The following ECE1 variants were observed in gnomAD, a reference collection of about 807,000 sequenced individuals.
ECE1 encodes endothelin-converting enzyme 1.
In ECE1, 35 loss-of-function variants were observed where a neutral mutation model predicts 98.6. The observed-to-expected ratio is 0.35, with a 90% CI of 0.27 to 0.47. The LOEUF (loss-of-function observed/expected upper bound fraction) is 0.47. Among genes scored for constraint, ECE1 ranks in the 20% least tolerant of loss-of-function variants. ECE1 has a pLI of 1.00. For missense variants in ECE1, 814 were observed against 1,025.3 expected, an observed-to-expected ratio of 0.79 and a Z score of 2.81; for synonymous variants, 394 against 407.1, an observed-to-expected ratio of 0.97 and a Z score of 0.39.
chr1:21,255,265 C>A (rs1364862080), intron 8 of ECE1, among the ~76,000 whole-genome samples: 2 of 152,230 alleles, frequency 1.3e-5, no homozygotes. Context: ...TGGGTGATGT[C>A]AAGAAACGGC....
At chr1:21,280,719 G>A (rs1008953989) in intron 2 of ECE1, among the ~76,000 whole-genome samples, 1 of 152,198 alleles carries the variant, frequency 6.6e-6, no homozygotes, top group African/African-American at 2.4e-5. Context: ...TCAGAGCCCT[G>A]AGGGAGTCCC....
intron 7 of ECE1, 136 bp from the exon 8 acceptor site, chr1:21,256,274 GGCCAGGT>G (rs1174064531): frequency 1.0e-6 from 1 of 1,004,754 alleles, no homozygotes; most frequent in African/African-American, 1.6e-5. Flanking sequence ...ACACCCGTGG[GGCCAGGT>G]GTGGTGGCTC....
intron 1 of ECE1, among the ~76,000 whole-genome samples, chr1:21,302,909 C>T (rs977280747): frequency 4.6e-5 from 7 of 152,212 alleles, no homozygotes; most frequent in African/African-American, 1.4e-4. Flanking sequence ...AGCAGCCTGC[C>T]GTGGCCCTGG....
rs1467958256 is a variant in ECE1, at chr1:21,307,895, AG to A, written c.4-17740del. Among the ~76,000 whole-genome samples, 2 of 151,938 alleles carry A rather than the reference AG, an allele frequency of 1.3e-5. No homozygotes were observed. The highest frequency in any genetic ancestry group is 4.8e-5 in the African/African-American group (2 of 41,410). On this transcript the variant is annotated intron_variant, in intron 1 of 18. Coordinates refer to the ECE1 transcript ENST00000415912. The surrounding 1 kb of genome is among the most constrained non-coding windows in gnomAD (Gnocchi z 4.2). ...CCCGCCTTGAGCATCCTTGTCAGGC[AG>A]AGATCTGGGCAGGACAGAAGAGAGG...
chr1:21,287,777 C>T (rs1042392016), intron 2 of ECE1, among the ~76,000 whole-genome samples: 5 of 151,950 alleles, frequency 3.3e-5, no homozygotes, highest in African/African-American at 7.3e-5. Context: ...ATGAAAAATG[C>T]GGGATATAAC....
At chr1:21,287,307 C>T (rs1350313958) in intron 2 of ECE1, among the ~76,000 whole-genome samples, 1 of 152,214 alleles carries the variant, frequency 6.6e-6, no homozygotes, top group African/African-American at 2.4e-5. Context: ...AGGCAGATCA[C>T]CTGAGGGCAG....
intron 1 of ECE1, among the ~76,000 whole-genome samples, chr1:21,331,540 G>A (rs1639200977): frequency 6.6e-6 from 1 of 151,954 alleles, no homozygotes; most frequent in Non-Finnish European, 1.5e-5. Flanking sequence ...CATGATGCAC[G>A]ATGGTGCCAT....
chr1:21,342,237 G>T (rs77025042), intron 1 of ECE1, among the ~76,000 whole-genome samples: 1 of 152,092 alleles, frequency 6.6e-6, no homozygotes, highest in Non-Finnish European at 1.5e-5. Flanking sequence ...GCTGCAGATG[G>T]GGGATGATGG....
intron 1 of ECE1, among the ~76,000 whole-genome samples, chr1:21,334,369 G>A (rs1257199200): frequency 6.6e-6 from 1 of 152,228 alleles, no homozygotes; most frequent in East Asian, 1.9e-4. Context: ...ACTCAGGGGC[G>A]AAGGAAGATG....
In ECE1 at chr1:21,227,973, G is replaced by A. The variant is rs922597895; in HGVS notation, c.1739C>T (p.Ala580Val). The A allele has an allele frequency of 1.3e-6, 2 of 1,560,620 alleles. No homozygotes were observed. Among genetic ancestry groups the A allele is most frequent in the East Asian group, 2.4e-5 (1 of 41,902 alleles). Residue 580 changes from alanine (A) to valine (V), a missense_variant, in exon 15 of 19, where the codon GCC becomes GTC. By Grantham distance (64) the Ala-to-Val change is moderately conservative (BLOSUM62 0). Around this residue, in one of 3 missense-constraint regions of ECE1, gnomAD observed 452 missense variants for 567.3 expected, o/e 0.80. Coordinates refer to ENST00000374893, the MANE Select transcript of ECE1 (RefSeq NM_001397.3). ...SPTKNEIVFPAGILQAPFYTR... is the reference protein window; with the variant it reads ...SPTKNEIVFPVGILQAPFYTR... ...GTAGAATGGTGCCTGCAGGATCCCGGCCGGAAACACAATCTCATTCTTGGT... is the reference window on the plus strand; with the variant it reads ...GTAGAATGGTGCCTGCAGGATCCCGACCGGAAACACAATCTCATTCTTGGT...
chr1:21,219,841 T>G lies in ECE1; in HGVS notation c.*114A>C. 1 of 1,391,304 alleles carries G rather than the reference T, an allele frequency of 7.2e-7. No individual in the cohort carries two copies. Among genetic ancestry groups the G allele is most frequent in the Non-Finnish European group, 1.0e-6 (1 of 1,002,526 alleles). The allele number at this position is 1,391,304 out of a possible 1,614,324, so 86.2% of individuals were successfully genotyped here. On this transcript the variant is annotated 3_prime_UTR_variant, in exon 19 of 19. Coordinates refer to ENST00000374893, the MANE Select transcript of ECE1 (RefSeq NM_001397.3). This position sits in a 1 kb window ranked among gnomAD's most constrained non-coding sequence, Gnocchi z 4.5. The stretch of plus-strand genomic sequence containing the variant: ...GGTTCCGGCTGAAAACCCGCCAGTG[T>G]GAGGAAGCAGGGCCCCGGGTGGCCA...
intron 1 of ECE1, among the ~76,000 whole-genome samples, chr1:21,308,242 G>A (rs984711326): frequency 2.0e-5 from 3 of 152,184 alleles, no homozygotes; most frequent in African/African-American, 7.2e-5. Flanking sequence ...AGTTTAACAA[G>A]CATTTGTGCA....
At position 21,340,153 on chromosome 1, in the gene ECE1, T is replaced by C. The variant is rs983247838; in HGVS notation, c.3+5223A>G. ...GGAGCTGCATCCCCAGGTTGGCACA[T>C]AGCATTTTCTACCTTATTTCAGAGC... On this transcript the variant is annotated intron_variant, in intron 1 of 18. Coordinates refer to the ECE1 transcript ENST00000415912. The surrounding 1 kb of genome is among the most constrained non-coding windows in gnomAD (Gnocchi z 4.6). 6.6e-6 allele frequency among the ~76,000 whole-genome samples: 1 copy of C among 152,234 alleles called. No homozygotes were observed. The highest frequency in any genetic ancestry group is 1.9e-4 in the East Asian group (1 of 5,198).
chr1:21,234,215 T>C (rs910394172), intron 13 of ECE1, among the ~76,000 whole-genome samples: 2 of 152,054 alleles, frequency 1.3e-5, no homozygotes, highest in Admixed American at 1.3e-4. Context: ...TTCAAACTCC[T>C]GACCTCAGGT....
chr1:21,292,700 G>A (rs1027540816), upstream of ECE1, among the ~76,000 whole-genome samples: 1 of 152,166 alleles, frequency 6.6e-6, no homozygotes, highest in Admixed American at 6.5e-5. Flanking sequence ...AAAATCAAAG[G>A]GGGGACAAGT....
chr1:21,342,851 G>A (rs1639427971), intron 1 of ECE1, among the ~76,000 whole-genome samples: 1 of 152,166 alleles, frequency 6.6e-6, no homozygotes, highest in African/African-American at 2.4e-5. Flanking sequence ...AGGAGCCAGG[G>A]AGGCCTGACA....
intron 1 of ECE1, among the ~76,000 whole-genome samples, chr1:21,309,497 G>A (rs1302769885): frequency 6.6e-6 from 1 of 152,182 alleles, no homozygotes; most frequent in Middle Eastern, 3.2e-3. Context: ...TGAATGAATG[G>A]GTGCATGAAG....
intron 1 of ECE1, among the ~76,000 whole-genome samples, chr1:21,296,338 G>A (rs896571138): frequency 8.6e-5 from 13 of 151,794 alleles, no homozygotes; most frequent in Non-Finnish European, 1.6e-4. Context: ...GTGAGACTTT[G>A]TCTCTACAAA....
chr1:21,290,915 T>C (rs909458785), upstream of ECE1, among the ~76,000 whole-genome samples: 2 of 152,174 alleles, frequency 1.3e-5, no homozygotes, highest in African/African-American at 4.8e-5. This position sits in a 1 kb window ranked among gnomAD's most constrained non-coding sequence, Gnocchi z 7.3. Context: ...AGTTCGTGAA[T>C]GAGTTTCAGA....
Sources: allele counts gnomAD v4.1 joint callset (sites outside exome capture counted in the v4.1 genomes callset), GRCh38; gene constraint gnomAD v4.1.1; regional missense constraint gnomAD v4.1.1; non-coding constraint Gnocchi (gnomAD v3.1); transcripts MANE v1.5; gene names NCBI Gene and HGNC (gene_info 2026-07-23, HGNC 2026-07-21).